Variants in USP34 observed in about 807,000 individuals in gnomAD.
USP34 encodes ubiquitin specific peptidase 34.
Under a neutral mutation model 460.3 loss-of-function variants are expected in USP34, and 70 were observed. That is an observed-to-expected ratio of 0.15 (90% CI 0.13 to 0.19). The LOEUF (loss-of-function observed/expected upper bound fraction) is 0.19. USP34 is among the 10% of genes least tolerant of loss of function. The pLI is 1.00. For synonymous variants in USP34, 1,647 were observed against 1,405.3 expected (o/e 1.17, Z -3.85); for missense variants, 3,985 against 4,236.2 (o/e 0.94, Z 1.65).
intron 1 of USP34, among the ~76,000 whole-genome samples, chr2:61,438,948 G>A (rs1694891476): frequency 1.3e-5 from 2 of 152,032 alleles, no homozygotes; most frequent in South Asian, 4.1e-4. Flanking sequence ...ACACACCTCA[G>A]AGCTAAAAAA....
chr2:61,458,020 G>A (rs954186010), intron 1 of USP34, among the ~76,000 whole-genome samples: 4 of 152,046 alleles, frequency 2.6e-5, no homozygotes, highest in Non-Finnish European at 4.4e-5. Flanking sequence ...GTGATCTTAC[G>A]ATTTTTCAGA....
intron 1 of USP34, among the ~76,000 whole-genome samples, chr2:61,457,600 C>A (rs531557187): frequency 1.3e-5 from 2 of 152,148 alleles, no homozygotes; most frequent in East Asian, 3.8e-4. Context: ...TGGTGCCTCA[C>A]GCCTGTAATC....
intron 1 of USP34, among the ~76,000 whole-genome samples, chr2:61,447,252 T>TC (rs1410771640): frequency 6.0e-4 from 33 of 54,704 alleles, no homozygotes; most frequent in African/African-American, 2.4e-3. Flanking sequence ...GAAACTGTCT[T>TC]CCAAAAAAAA....
Position 61,317,682 on chromosome 2 carries a change from C to A in USP34, c.3254G>T (p.Ser1085Ile), listed in dbSNP as rs761817871. The A allele has an allele frequency of 6.2e-7, 1 of 1,614,056 alleles. No individual in the cohort carries two copies. Among genetic ancestry groups the A allele is most frequent in the Non-Finnish European group, 8.5e-7 (1 of 1,179,986 alleles). ...HLCNLARLATSAYDGCSNSEL... is the reference protein window; with the variant it reads ...HLCNLARLATIAYDGCSNSEL... ...AGAATTTGAACAACCATCATAGGCACTGGTAGCCAATCGAGCCAAGTTACA... is the reference window on the plus strand; with the variant it reads ...AGAATTTGAACAACCATCATAGGCAATGGTAGCCAATCGAGCCAAGTTACA... Residue 1085 changes from serine (S) to isoleucine (I), a missense_variant, in exon 23 of 80, where the codon AGT becomes ATT. Coordinates refer to ENST00000398571, the MANE Select transcript of USP34 (RefSeq NM_014709.4).
chr2:61,342,158 C>A (rs1395560388), intron 16 of USP34, among the ~76,000 whole-genome samples: 3 of 152,140 alleles, frequency 2.0e-5, no homozygotes, highest in Non-Finnish European at 2.9e-5. Context: ...TCCAGCTCCA[C>A]ATTCTAATGT....
intron 1 of USP34, among the ~76,000 whole-genome samples, chr2:61,434,537 T>G (rs1694761041): frequency 6.6e-6 from 1 of 152,204 alleles, no homozygotes. Context: ...TGCATACATG[T>G]GTCCCTGACT....
intron 33 of USP34, among the ~76,000 whole-genome samples, chr2:61,292,471 A>G (rs530414198): frequency 6.6e-6 from 1 of 152,158 alleles, no homozygotes; most frequent in South Asian, 2.1e-4. Context: ...ACAAACAGAG[A>G]AAACCTTTAG....
At chr2:61,227,921 T>G (rs376434427) in intron 61 of USP34, among the ~76,000 whole-genome samples, 24 of 152,296 alleles carry the variant, frequency 1.6e-4, no homozygotes, top group African/African-American at 5.8e-4. Flanking sequence ...TATTTATAGT[T>G]CCCTGATAAT....
chr2:61,312,324 A>G (rs920667466), intron 25 of USP34, among the ~76,000 whole-genome samples: 3 of 152,124 alleles, frequency 2.0e-5, no homozygotes, highest in Admixed American at 6.6e-5. Context: ...GGACAGAAAC[A>G]TTCTGGTAAA....
chr2:61,214,061 C>T lies in USP34; in HGVS notation c.8681G>A (p.Gly2894Glu). The change falls in exon 68 of 80, where the codon GGA becomes GAA. Residue 2894 changes from glycine (G) to glutamate (E), a missense_variant and splice_region_variant. Coordinates refer to ENST00000398571, the MANE Select transcript of USP34 (RefSeq NM_014709.4). ...TAAAAGAGTATCAATTTTACTCACT[C>T]CAGGGTATTGGCTGGCATGTGGTGT... is the stretch of plus-strand genomic sequence containing the variant. Reference protein sequence around the residue: ...NLTPHASQYPGAVEELFNLMQ... With the variant: ...NLTPHASQYPEAVEELFNLMQ... The T allele has an allele frequency of 6.2e-7, 1 of 1,614,142 alleles. No homozygotes were observed. Among genetic ancestry groups the T allele is most frequent in the Non-Finnish European group, 8.5e-7 (1 of 1,179,998 alleles).
At chr2:61,384,746 A>G (rs990130017) in intron 5 of USP34, among the ~76,000 whole-genome samples, 2 of 152,142 alleles carry the variant, frequency 1.3e-5, no homozygotes, top group South Asian at 2.1e-4. Context: ...ATAATCAAAT[A>G]AAAGACGTCT....
intron 23 of USP34, among the ~76,000 whole-genome samples, chr2:61,317,254 C>T (rs538648787): frequency 5.5e-4 from 84 of 152,260 alleles, no homozygotes; most frequent in African/African-American, 1.7e-3. Flanking sequence ...GGGCTGAGCA[C>T]GTTGGCTCAT....
At position 61,241,749 on chromosome 2, in the gene USP34, A is replaced by G. The variant is rs756728542; in HGVS notation, c.6681+17T>C. The G allele has an allele frequency of 3.1e-5, 47 of 1,496,898 alleles. No individual in the cohort carries two copies. The highest frequency in any genetic ancestry group is 1.3e-4 in the Admixed American group (6 of 46,656). 92.7% of individuals were successfully genotyped at this position (1,496,898 alleles called of 1,614,324 possible). A position where few individuals can be genotyped will look rare whatever the true frequency, so the allele number is the denominator to read the frequency against. ...AAGAAAAAACAATATAAAATTATACATGAAAAAAATGGTTACCTTTTCAAA... is the reference window on the plus strand; with the variant it reads ...AAGAAAAAACAATATAAAATTATACGTGAAAAAAATGGTTACCTTTTCAAA... On this transcript the variant is annotated intron_variant, in intron 52 of 79. Coordinates refer to ENST00000398571, the MANE Select transcript of USP34 (RefSeq NM_014709.4).
chr2:61,423,373 A>T (rs2103978652), intron 1 of USP34, among the ~76,000 whole-genome samples: 1 of 152,280 alleles, frequency 6.6e-6, no homozygotes, highest in South Asian at 2.1e-4. Context: ...CAGCCTCCCA[A>T]AGTGCTGGGA....
intron 75 of USP34, among the ~76,000 whole-genome samples, chr2:61,196,547 TTTC>T (rs1248535755): frequency 6.6e-6 from 1 of 151,886 alleles, no homozygotes; most frequent in Non-Finnish European, 1.5e-5. Flanking sequence ...TTTTTTTTCC[TTTC>T]TAGACAGTCT....
intron 75 of USP34, among the ~76,000 whole-genome samples, chr2:61,201,364 C>T (rs577565150): frequency 1.3e-5 from 2 of 152,098 alleles, no homozygotes; most frequent in African/African-American, 4.8e-5. Context: ...ACTACAGGCA[C>T]GTACCACCAT....
At chr2:61,440,451 G>A (rs144936673) in intron 1 of USP34, among the ~76,000 whole-genome samples, 6 of 152,000 alleles carry the variant, frequency 3.9e-5, no homozygotes, top group South Asian at 2.1e-4. Flanking sequence ...AACTTGCTCT[G>A]CTGCAGAGGG....
At chr2:61,394,389 G>C (rs1162492997) in intron 5 of USP34, among the ~76,000 whole-genome samples, 1 of 151,788 alleles carries the variant, frequency 6.6e-6, no homozygotes, top group Non-Finnish European at 1.5e-5. Flanking sequence ...GTAAAACTCT[G>C]TCTCTAAAAA....
At chr2:61,440,732 G>A (rs7588959) in intron 1 of USP34, among the ~76,000 whole-genome samples, 15,700 of 151,348 alleles carry the variant, frequency 0.1, 1,063 homozygotes, top group Non-Finnish European at 0.15. Context: ...TGGCCAGGCT[G>A]GTCTCAAACT....
Sources: allele counts gnomAD v4.1 joint callset (sites outside exome capture counted in the v4.1 genomes callset), GRCh38; gene constraint gnomAD v4.1.1; transcripts MANE v1.5; gene names NCBI Gene and HGNC (gene_info 2026-07-23, HGNC 2026-07-21).